Variants in ASNS observed in about 807,000 individuals in gnomAD.
ASNS encodes the protein asparagine synthetase [glutamine-hydrolyzing].
Under a neutral mutation model 62.6 loss-of-function variants are expected in ASNS, and 37 were observed. The observed-to-expected ratio is 0.59, with a 90% CI of 0.45 to 0.78. The LOEUF is 0.78. ASNS is among the 30% of genes least tolerant of loss of function. ASNS has a pLI of 0.00. For synonymous variants in ASNS, 207 were observed against 237.9 expected (o/e 0.87, Z 1.19); for missense variants, 520 against 682.4 (o/e 0.76, Z 2.65).
intron 3 of ASNS, 69 bp from the exon 4 acceptor site, chr7:97,864,565 A>G (rs905813598): frequency 1.0e-5 from 11 of 1,069,846 alleles, no homozygotes; most frequent in Non-Finnish European, 1.4e-5. Context: ...TTTATTGCAA[A>G]GATGCTTCAG....
the ASNS span, among the ~76,000 whole-genome samples, chr7:97,881,111 T>C: frequency 0.82 from 124,560 of 151,882 alleles, 51,741 homozygotes; most frequent in African/African-American, 0.95. Context: ...TGGCTAACTT[T>C]TTGTATTTTT....
chr7:97,897,778 A>G, the ASNS span, among the ~76,000 whole-genome samples: 75 of 152,236 alleles, frequency 4.9e-4, no homozygotes, highest in African/African-American at 1.8e-3. Flanking sequence ...AAAAGATATC[A>G]GTGTATCAAC....
At chr7:97,859,179 A>T (rs777090094) in intron 5 of ASNS, 34 bp downstream of exon 5, 1 of 1,562,460 alleles carries the variant, frequency 6.4e-7, no homozygotes, top group Admixed American at 2.1e-5. Context: ...TCCCTTGGAG[A>T]AGGATGGGGA....
Position 97,868,519 on chromosome 7 carries a change from A to ATGTGTGTGTGTGTGTGTGTGTGTG in ASNS, c.249+365_249+388dup, listed in dbSNP as rs61611439. Among the ~76,000 whole-genome samples the ATGTGTGTGTGTGTGTGTGTGTGTG allele has an allele frequency of 3.7e-3, 452 of 122,976 alleles. 7 individuals are homozygous for ATGTGTGTGTGTGTGTGTGTGTGTG. Among genetic ancestry groups the ATGTGTGTGTGTGTGTGTGTGTGTG allele is most frequent in the Admixed American group, 0.033 (410 of 12,566 alleles). The allele number at this position is 122,976 out of a possible 152,430, so 80.7% of individuals were successfully genotyped here. On this transcript the variant is annotated intron_variant, in intron 3 of 12. Coordinates refer to ENST00000394308, the MANE Select transcript of ASNS (RefSeq NM_001673.5). ...TACTCTCAAATGATTCAGCAAAAAC[A>ATGTGTGTGTGTGTGTGTGTGTGTG]TGTGTGTGTGTGTGTGTGTGTGTGT...
chr7:97,895,756 A>C, the ASNS span, among the ~76,000 whole-genome samples: 112 of 152,292 alleles, frequency 7.4e-4, no homozygotes, highest in African/African-American at 2.6e-3. Flanking sequence ...GCACTACCGC[A>C]CTCCAGCCTG....
At chr7:97,890,785 T>C in the ASNS span, among the ~76,000 whole-genome samples, 1 of 152,172 alleles carries the variant, frequency 6.6e-6, no homozygotes, top group African/African-American at 2.4e-5. Context: ...AAAAAAGTAT[T>C]TCCCAGATAA....
At chr7:97,907,520 G>C in the ASNS span, among the ~76,000 whole-genome samples, 1 of 152,144 alleles carries the variant, frequency 6.6e-6, no homozygotes, top group Admixed American at 6.5e-5. Flanking sequence ...TGTAATCCCA[G>C]CACTTTGGGA....
At chr7:97,899,833 C>T in the ASNS span, among the ~76,000 whole-genome samples, 1 of 152,172 alleles carries the variant, frequency 6.6e-6, no homozygotes, top group African/African-American at 2.4e-5. Context: ...TTTGGATTAA[C>T]TCTCTCTTTG....
chr7:97,856,936 A>C lies in ASNS; in HGVS notation c.904-120T>G, dbSNP rs188191900. 5.4e-4 allele frequency: 599 copies of C among 1,100,516 alleles called. 1 individual carries two copies. In the African/African-American group the frequency reaches 7.9e-3, roughly 15 times the overall value. The allele number at this position is 1,100,516 out of a possible 1,614,324, so 68.2% of individuals were successfully genotyped here. ...ACAATGGTGAAAACTAAACAAGGGA[A>C]AAAAAGAAAAATGACTTTACAGCCC... On this transcript the variant is annotated intron_variant, in intron 7 of 12. Transcript: ENST00000394308.
At chr7:97,896,383 T>C in the ASNS span, among the ~76,000 whole-genome samples, 1 of 149,926 alleles carries the variant, frequency 6.7e-6, no homozygotes, top group African/African-American at 2.5e-5. Context: ...GGTCAGGAGA[T>C]CGAGACCATC....
the ASNS span, among the ~76,000 whole-genome samples, chr7:97,878,973 C>T: frequency 6.6e-6 from 1 of 152,142 alleles, no homozygotes; most frequent in East Asian, 1.9e-4. Context: ...CAGAACAGAG[C>T]CCTCAGAAAT....
At chr7:97,920,730 C>CA in the ASNS span, among the ~76,000 whole-genome samples, 12 of 151,880 alleles carry the variant, frequency 7.9e-5, no homozygotes, top group Non-Finnish European at 1.5e-5. Flanking sequence ...GCTCAGAGAA[C>CA]AAAAAAAGGA....
At chr7:97,857,259 G>A (rs1292258861) in intron 7 of ASNS, among the ~76,000 whole-genome samples, 1 of 151,822 alleles carries the variant, frequency 6.6e-6, no homozygotes, top group Non-Finnish European at 1.5e-5. Context: ...GGATTCTCTC[G>A]GCATTGATTA....
At chr7:97,869,280 A>G in intron 2 of ASNS, 101 bp from the exon 3 acceptor site, 1 of 1,343,104 alleles carries the variant, frequency 7.4e-7, no homozygotes, top group Non-Finnish European at 1.0e-6. Flanking sequence ...TTCAAAGACT[A>G]AAATTTAAAC....
the ASNS span, among the ~76,000 whole-genome samples, chr7:97,898,087 G>A: frequency 6.0e-5 from 9 of 150,030 alleles, no homozygotes; most frequent in South Asian, 4.2e-4. Context: ...GCCACCAAGC[G>A]CGGATACTTT....
chr7:97,924,432 G>A, the ASNS span, among the ~76,000 whole-genome samples: 117 of 152,330 alleles, frequency 7.7e-4, 1 homozygote, highest in African/African-American at 2.6e-3. Context: ...ATGTCAGCTT[G>A]AAAGATCGTC....
the ASNS span, among the ~76,000 whole-genome samples, chr7:97,917,196 T>C: frequency 7.1e-6 from 1 of 141,134 alleles, no homozygotes; most frequent in African/African-American, 2.7e-5. Flanking sequence ...TCCCAAATAT[T>C]GCATGGGATA....
intron 4 of ASNS, among the ~76,000 whole-genome samples, chr7:97,862,698 G>A (rs1298578639): frequency 6.6e-6 from 1 of 151,970 alleles, no homozygotes; most frequent in Non-Finnish European, 1.5e-5. Flanking sequence ...GGGAAAACTG[G>A]GCAGGGGCAC....
At chr7:97,857,775 T>C (rs1356831142) in intron 7 of ASNS, among the ~76,000 whole-genome samples, 2 of 152,066 alleles carry the variant, frequency 1.3e-5, no homozygotes, top group African/African-American at 4.8e-5. Flanking sequence ...CCACTGCACC[T>C]GACTTATGCC....
Sources: allele counts gnomAD v4.1 joint callset (sites outside exome capture counted in the v4.1 genomes callset), GRCh38; gene constraint gnomAD v4.1.1; transcripts MANE v1.5; gene names NCBI Gene and HGNC (gene_info 2026-07-23, HGNC 2026-07-21).